KCNQ1: variants seen among roughly 807,000 people sequenced by gnomAD.
The protein encoded by KCNQ1 is potassium voltage-gated channel subfamily KQT member 1.
Under a neutral mutation model 72.4 loss-of-function variants are expected in KCNQ1, and 49 were observed. That is an observed-to-expected ratio of 0.68 (90% CI 0.54 to 0.86). The LOEUF (loss-of-function observed/expected upper bound fraction) is 0.86. Among genes scored for constraint, KCNQ1 ranks in the 40% least tolerant of loss-of-function variants. The pLI is 0.00. For synonymous variants in KCNQ1, 450 were observed against 412.6 expected, an observed-to-expected ratio of 1.09 and a Z score of -1.10; for missense variants, 790 against 945.1, an observed-to-expected ratio of 0.84 and a Z score of 2.15.
chr11:2,746,677 C>T lies in KCNQ1; in HGVS notation c.1515-22167C>T, dbSNP rs557550581. Among the ~76,000 whole-genome samples, 1 of 152,334 alleles carries T rather than the reference C, an allele frequency of 6.6e-6. No homozygotes were observed. The highest frequency in any genetic ancestry group is 1.9e-4 in the East Asian group (1 of 5,186). On this transcript the variant is annotated intron_variant, in intron 11 of 15. Transcript: ENST00000155840. This position sits in a 1 kb window ranked among gnomAD's most constrained non-coding sequence, Gnocchi z 5.9. ...CTTCTCATCGCCCTGTTCCGAGGGCCCATCCTGTCGGTGTGGCTCGTCATG... is the reference window on the plus strand; with the variant it reads ...CTTCTCATCGCCCTGTTCCGAGGGCTCATCCTGTCGGTGTGGCTCGTCATG...
Position 2,803,579 on chromosome 11 carries a change from G to T in KCNQ1, c.1794+25542G>T, listed in dbSNP as rs1054879823. Among the ~76,000 whole-genome samples, 12 of 152,066 alleles carry T rather than the reference G, an allele frequency of 7.9e-5. No individual in the cohort carries two copies. Among genetic ancestry groups the T allele is most frequent in the African/African-American group, 2.9e-4 (12 of 41,412 alleles). ...GGGTGATGGGGCTTCAGTGGAGCCC[G>T]CCAGGACTGGGGACACAAGCCTAGG... On this transcript the variant is annotated intron_variant, in intron 15 of 15. Coordinates refer to ENST00000155840, the MANE Select transcript of KCNQ1 (RefSeq NM_000218.3). The surrounding 1 kb of genome is among the most constrained non-coding windows in gnomAD (Gnocchi z 6.4).
Position 2,620,740 on chromosome 11 carries a change from T to C in KCNQ1, c.1393+31886T>C. 2.5e-6 allele frequency: 1 copy of C among 398,592 alleles called. No homozygotes were observed. Among genetic ancestry groups the C allele is most frequent in the Non-Finnish European group, 4.4e-6 (1 of 226,054 alleles). The allele number at this position is 398,592 out of a possible 1,614,324, so 24.7% of individuals were successfully genotyped here. A position where few individuals can be genotyped will look rare whatever the true frequency, so the allele number is the denominator to read the frequency against. ...ATTGCTGGGTCAGATGGTAGTTCTGTTTTCAGTTATTTGAGAAAACTCCAA... is the reference window on the plus strand; with the variant it reads ...ATTGCTGGGTCAGATGGTAGTTCTGCTTTCAGTTATTTGAGAAAACTCCAA... On this transcript the variant is annotated intron_variant, in intron 10 of 15. Transcript: ENST00000155840. This position sits in a 1 kb window ranked among gnomAD's most constrained non-coding sequence, Gnocchi z 4.5.
chr11:2,837,903 C>T (rs796379642), intron 15 of KCNQ1, among the ~76,000 whole-genome samples: 37 of 152,300 alleles, frequency 2.4e-4, no homozygotes, highest in African/African-American at 8.7e-4. Flanking sequence ...AGGGATGCCT[C>T]AAAGGTTCTC....
Position 2,652,328 on chromosome 11 carries a change from A to C in KCNQ1, c.1394-9633A>C. The stretch of plus-strand genomic sequence containing the variant: ...TTGCTTTGATTATTGTGTGAAGTTA[A>C]GAACTGGCACATTTCCGCGATGTTG... On this transcript the variant is annotated intron_variant, in intron 10 of 15. Transcript: ENST00000155840. This position sits in a 1 kb window ranked among gnomAD's most constrained non-coding sequence, Gnocchi z 5.9. 2.5e-6 allele frequency: 1 copy of C among 398,672 alleles called. No homozygotes were observed. The highest frequency in any genetic ancestry group is 3.6e-5 in the East Asian group (1 of 28,074). 24.7% of individuals were successfully genotyped at this position (398,672 alleles called of 1,614,324 possible).
intron 11 of KCNQ1, among the ~76,000 whole-genome samples, chr11:2,747,402 G>A (rs1350236575): frequency 2.0e-5 from 3 of 152,192 alleles, no homozygotes; most frequent in Non-Finnish European, 4.4e-5. Context: ...GGTGGCCCCG[G>A]GAGGGGCTCG....
intron 11 of KCNQ1, among the ~76,000 whole-genome samples, chr11:2,728,348 C>T (rs1004550842): frequency 3.3e-5 from 5 of 152,254 alleles, no homozygotes; most frequent in African/African-American, 9.6e-5. Context: ...ATGCCTGACC[C>T]GGCGCCAGCC....
In KCNQ1 at chr11:2,698,158, G is replaced by A. The variant is rs946562530; in HGVS notation, c.1514+36077G>A. ...AGCAGAAAACAAAACAGAGTTCCTC[G>A]TTGGGAGCTTTTGGTCTAGCAAAAG... is the stretch of plus-strand genomic sequence containing the variant. On this transcript the variant is annotated intron_variant, in intron 11 of 15. Coordinates refer to ENST00000155840, the MANE Select transcript of KCNQ1 (RefSeq NM_000218.3). This position sits in a 1 kb window ranked among gnomAD's most constrained non-coding sequence, Gnocchi z 5.1. The A allele has an allele frequency of 5.0e-6, 2 of 398,610 alleles. No homozygotes were observed. Among genetic ancestry groups the A allele is most frequent in the African/African-American group, 4.1e-5 (2 of 48,730 alleles). The allele number at this position is 398,610 out of a possible 1,614,324, so 24.7% of individuals were successfully genotyped here.
rs779011873 is a variant in KCNQ1 at position 2,838,930 on chromosome 11, G to T, written c.1795-8837G>T. Reference sequence around the variant, plus strand: ...CCGCCAGCACAAACACGGCTCCTGGGCCCCCAGCCTGCCCGACGTTCCTGC... The same window carrying T: ...CCGCCAGCACAAACACGGCTCCTGGTCCCCCAGCCTGCCCGACGTTCCTGC... On this transcript the variant is annotated intron_variant, in intron 15 of 15. Coordinates refer to ENST00000155840, the MANE Select transcript of KCNQ1 (RefSeq NM_000218.3). 1.2e-3 allele frequency among the ~76,000 whole-genome samples: 180 copies of T among 152,242 alleles called. 2 individuals carry two copies. The Middle Eastern group carries it at 0.02, about 17-fold the overall frequency.
At chr11:2,696,764 G>A (rs946508491) in intron 11 of KCNQ1, 4 of 398,472 alleles carry the variant, frequency 1.0e-5, no homozygotes, top group African/African-American at 8.2e-5. Context: ...TTCCATAAAA[G>A]TCGTCGTCTT....
At chr11:2,841,988 C>T (rs1848223934) in intron 15 of KCNQ1, among the ~76,000 whole-genome samples, 1 of 152,234 alleles carries the variant, frequency 6.6e-6, no homozygotes, top group Admixed American at 6.5e-5. Flanking sequence ...GCCTCTGCCG[C>T]ATGGTTGCGC....
chr11:2,698,545 T>C lies in KCNQ1; in HGVS notation c.1514+36464T>C. 1 of 398,104 alleles carries C rather than the reference T, an allele frequency of 2.5e-6. No homozygotes were observed. The highest frequency in any genetic ancestry group is 4.4e-6 in the Non-Finnish European group (1 of 225,984). 24.7% of individuals were successfully genotyped at this position (398,104 alleles called of 1,614,324 possible). ...CCACCCCCAACTCAGACTGCAACCT[T>C]TACTTCGCCCCCTAATTCCTGACTC... On this transcript the variant is annotated intron_variant, in intron 11 of 15. Coordinates refer to ENST00000155840, the MANE Select transcript of KCNQ1 (RefSeq NM_000218.3). The surrounding 1 kb of genome is among the most constrained non-coding windows in gnomAD (Gnocchi z 5.1).
intron 11 of KCNQ1, among the ~76,000 whole-genome samples, chr11:2,737,326 C>T: frequency 6.6e-6 from 1 of 152,170 alleles, no homozygotes; most frequent in East Asian, 1.9e-4. Context: ...CGGCCACTGC[C>T]CAGCCACCTC....
rs1037362275 is a variant in KCNQ1, at chr11:2,658,183, T to A, written c.1394-3778T>A. The A allele has an allele frequency of 5.0e-6, 2 of 398,612 alleles. No individual in the cohort carries two copies. The highest frequency in any genetic ancestry group is 8.8e-6 in the Non-Finnish European group (2 of 226,048). 24.7% of individuals were successfully genotyped at this position (398,612 alleles called of 1,614,324 possible). ...ATTTCAAGGAAGAAACTGTGAAGTTTCTGAGTTTCACTAACTAATTTCAGC... is the reference window on the plus strand; with the variant it reads ...ATTTCAAGGAAGAAACTGTGAAGTTACTGAGTTTCACTAACTAATTTCAGC... On this transcript the variant is annotated intron_variant, in intron 10 of 15. Transcript: ENST00000155840. This position sits in a 1 kb window ranked among gnomAD's most constrained non-coding sequence, Gnocchi z 4.9.
At position 2,647,340 on chromosome 11, in the gene KCNQ1, G is replaced by T. The variant is rs115301907; in HGVS notation, c.1394-14621G>T. 863 of 398,546 alleles carry T rather than the reference G, an allele frequency of 2.2e-3. 7 individuals carry two copies. Among genetic ancestry groups the T allele is most frequent in the African/African-American group, 0.016 (793 of 48,752 alleles). 24.7% of individuals were successfully genotyped at this position (398,546 alleles called of 1,614,324 possible). Reference sequence around the variant, plus strand: ...GGGATAAATCCCACTTGATTATGGTGTATTATCTTTTTGATGTGCGATTGG... The same window carrying T: ...GGGATAAATCCCACTTGATTATGGTTTATTATCTTTTTGATGTGCGATTGG... On this transcript the variant is annotated intron_variant, in intron 10 of 15. Transcript: ENST00000155840. The surrounding 1 kb of genome is among the most constrained non-coding windows in gnomAD (Gnocchi z 4.0).
chr11:2,836,145 G>A (rs1420976380), intron 15 of KCNQ1, among the ~76,000 whole-genome samples: 1 of 152,192 alleles, frequency 6.6e-6, no homozygotes, highest in African/African-American at 2.4e-5. Flanking sequence ...TGGAAGAGTT[G>A]AAAGCAGCCA....
At chr11:2,802,810 G>A (rs879376689) in intron 15 of KCNQ1, among the ~76,000 whole-genome samples, 2 of 152,206 alleles carry the variant, frequency 1.3e-5, no homozygotes, top group African/African-American at 2.4e-5. Flanking sequence ...TCACAGTCCC[G>A]GAATGGGGAA....
In KCNQ1 at chr11:2,447,783, C is replaced by G. The variant is rs1011296796; in HGVS notation, c.386+2299C>G. Among the ~76,000 whole-genome samples the G allele has an allele frequency of 6.6e-6, 1 of 152,188 alleles. No individual in the cohort carries two copies. The highest frequency in any genetic ancestry group is 1.5e-5 in the Non-Finnish European group (1 of 68,016). ...AGACGACAAGCCTGGCCTTGAAGAG[C>G]CAGGGCCCAGGCATGTGTGCAGGGG... On this transcript the variant is annotated intron_variant, in intron 1 of 15. Transcript: ENST00000155840. This position sits in a 1 kb window ranked among gnomAD's most constrained non-coding sequence, Gnocchi z 7.6.
intron 13 of KCNQ1, 84 bp from the exon 14 acceptor site, chr11:2,776,902 T>G: frequency 7.3e-7 from 1 of 1,378,152 alleles, no homozygotes. Flanking sequence ...GCCGGGCACG[T>G]CAAGCTGTCT....
chr11:2,623,655 A>T lies in KCNQ1; in HGVS notation c.1393+34801A>T. The T allele has an allele frequency of 2.5e-6, 1 of 398,498 alleles. No homozygotes were observed. Among genetic ancestry groups the T allele is most frequent in the Non-Finnish European group, 4.4e-6 (1 of 226,022 alleles). 24.7% of individuals were successfully genotyped at this position (398,498 alleles called of 1,614,324 possible). A position where few individuals can be genotyped will look rare whatever the true frequency, so the allele number is the denominator to read the frequency against. On this transcript the variant is annotated intron_variant, in intron 10 of 15. Coordinates refer to ENST00000155840, the MANE Select transcript of KCNQ1 (RefSeq NM_000218.3). The surrounding 1 kb of genome is among the most constrained non-coding windows in gnomAD (Gnocchi z 5.2). ...TCATTGCCTGGATGTACTACAGTTT[A>T]TCTGTCTACTCACCTATGGAAGGAC... is the stretch of plus-strand genomic sequence containing the variant.
Sources: gnomAD v4.1 joint callset for allele counts (sites outside exome capture counted in the v4.1 genomes callset) on GRCh38, gnomAD v4.1.1 for gene constraint, Gnocchi (gnomAD v3.1) non-coding constraint, MANE v1.5 for transcripts, NCBI Gene and HGNC (gene_info 2026-07-23, HGNC 2026-07-21) for gene names.